FLNB: variants seen among roughly 807,000 people sequenced by gnomAD.
FLNB encodes the protein filamin-B.
A neutral mutation model predicts 250.6 loss-of-function variants in FLNB; 111 were observed. That is an observed-to-expected ratio of 0.44 (90% CI 0.38 to 0.52). FLNB has a LOEUF of 0.52. FLNB is among the 20% of genes least tolerant of loss of function. The pLI is 0.00. For missense variants in FLNB, 2,869 were observed against 3,447.8 expected, an observed-to-expected ratio of 0.83 and a Z score of 4.20; for synonymous variants, 1,302 against 1,372.1, an observed-to-expected ratio of 0.95 and a Z score of 1.13.
intron 1 of FLNB, among the ~76,000 whole-genome samples, chr3:58,028,668 C>A: frequency 6.7e-6 from 1 of 148,922 alleles, no homozygotes; most frequent in East Asian, 2.0e-4. Flanking sequence ...GGCTAGAGTG[C>A]AATGGCATGA....
At chr3:58,149,674 C>A in intron 36 of FLNB, 176 bp from the exon 37 acceptor site, 2 of 705,714 alleles carry the variant, frequency 2.8e-6, no homozygotes, top group Non-Finnish European at 4.8e-6. Context: ...TGGGGCTTCT[C>A]AGGACGCTTA....
chr3:58,114,718 TTG>T (rs778323243), intron 18 of FLNB, among the ~76,000 whole-genome samples: 9,763 of 148,082 alleles, frequency 0.066, 338 homozygotes, highest in Non-Finnish European at 0.076. Context: ...TTTTTTTTTT[TTG>T]TTGTTGTTGT....
chr3:58,008,702 C>T lies in FLNB; in HGVS notation c.138C>T (p.Asp46=). ...RIGNLQTDLS[D]GLRLIALLEV... is the part of the protein sequence containing the mutation. ...GCAACCTGCAGACCGACCTGAGCGACGGGCTGCGGCTCATCGCGCTGCTCG... is the reference window on the plus strand; with the variant it reads ...GCAACCTGCAGACCGACCTGAGCGATGGGCTGCGGCTCATCGCGCTGCTCG... Residue 46 remains aspartate (D), a synonymous_variant, in exon 1 of 46, where the codon GAC becomes GAT. Coordinates refer to ENST00000295956, the MANE Select transcript of FLNB (RefSeq NM_001457.4). 2 of 1,614,192 alleles carry T rather than the reference C, an allele frequency of 1.2e-6. No homozygotes were observed. Among genetic ancestry groups the T allele is most frequent in the South Asian group, 1.1e-5 (1 of 91,090 alleles).
Position 58,118,947 on chromosome 3 carries a change from C to T in FLNB, c.2821C>T (p.Pro941Ser), listed in dbSNP as rs2097283582. ...CCCTTTCACTGTGGGTGTTGCTGCA[C>T]CGCTGGATCTGAGCAAGATAAAACT... is the stretch of plus-strand genomic sequence containing the variant. Reference protein sequence around the residue: ...KSPFTVGVAAPLDLSKIKLNG... With the variant: ...KSPFTVGVAASLDLSKIKLNG... The change falls in exon 19 of 46, where the codon CCG becomes TCG. Residue 941 changes from proline (P) to serine (S), a missense_variant. Pro to Ser is a moderately conservative substitution (Grantham distance 74). This residue lies in a region of FLNB where 1,348 missense variants were observed against 1,466.7 expected (regional missense o/e 0.92). Transcript: ENST00000295956. 6.2e-7 allele frequency: 1 copy of T among 1,614,062 alleles called. No homozygotes were observed.
intron 1 of FLNB, among the ~76,000 whole-genome samples, chr3:58,017,605 CTA>C (rs1219150027): frequency 6.6e-6 from 1 of 152,130 alleles, no homozygotes. Context: ...AAATACTGAG[CTA>C]TGTTTGAAGC....
chr3:58,123,771 C>T (rs1348567842), intron 21 of FLNB, 81 bp downstream of exon 21: 1 of 1,213,590 alleles, frequency 8.2e-7, no homozygotes, highest in African/African-American at 1.5e-5. Context: ...GAGCTGCAAA[C>T]TCAGCCACCT....
At chr3:58,100,105 T>C (rs188302090) in intron 8 of FLNB, among the ~76,000 whole-genome samples, 15 of 152,168 alleles carry the variant, frequency 9.9e-5, no homozygotes, top group African/African-American at 3.4e-4. Flanking sequence ...ACTTCTGGTA[T>C]GACCAACTTT....
intron 4 of FLNB, among the ~76,000 whole-genome samples, chr3:58,082,489 G>A (rs766224644): frequency 6.6e-5 from 10 of 152,034 alleles, no homozygotes; most frequent in South Asian, 2.1e-4. Context: ...AGAAAATATC[G>A]GCCGGGTGTG....
intron 1 of FLNB, among the ~76,000 whole-genome samples, chr3:58,012,278 G>A (rs1292384245): frequency 1.3e-5 from 2 of 151,830 alleles, no homozygotes; most frequent in South Asian, 4.2e-4. Flanking sequence ...CAAAATTAGG[G>A]GAGAACAGCC....
rs757747038 is a variant in FLNB, at chr3:58,109,231, C to T, written c.2108C>T (p.Thr703Ile). The change falls in exon 14 of 46, where the codon ACA becomes ATA. Residue 703 changes from threonine (T) to isoleucine (I), a missense_variant. Coordinates refer to ENST00000295956, the MANE Select transcript of FLNB (RefSeq NM_001457.4). ...DIQMKNRMDG[T>I]YACSYTPVKA... ...CAGATGAAGAACCGGATGGACGGCACATATGCATGCTCATACACCCCGGTG... is the reference window on the plus strand; with the variant it reads ...CAGATGAAGAACCGGATGGACGGCATATATGCATGCTCATACACCCCGGTG... 3 of 1,614,234 alleles carry T rather than the reference C, an allele frequency of 1.9e-6. No individual in the cohort carries two copies. Among genetic ancestry groups the T allele is most frequent in the South Asian group, 1.1e-5 (1 of 91,074 alleles).
intron 41 of FLNB, among the ~76,000 whole-genome samples, chr3:58,158,152 A>G (rs2097356143): frequency 6.6e-6 from 1 of 152,014 alleles, no homozygotes; most frequent in African/African-American, 2.4e-5. Context: ...AAGACCCTCT[A>G]ATTCTGTGTT....
intron 1 of FLNB, among the ~76,000 whole-genome samples, chr3:58,034,112 C>G (rs1447381482): frequency 2.0e-5 from 3 of 152,168 alleles, no homozygotes; most frequent in Non-Finnish European, 4.4e-5. Context: ...CCGCTCACCT[C>G]TGCCTCCCAA....
intron 4 of FLNB, among the ~76,000 whole-genome samples, chr3:58,088,929 C>T (rs2097221690): frequency 6.6e-6 from 1 of 152,098 alleles, no homozygotes; most frequent in South Asian, 2.1e-4. Flanking sequence ...TAATGAGCCC[C>T]CCAATCTTGA....
intron 24 of FLNB, among the ~76,000 whole-genome samples, chr3:58,127,325 CAAAAAAA>C (rs879263542): frequency 5.1e-5 from 6 of 117,892 alleles, no homozygotes; most frequent in Non-Finnish European, 8.9e-5. Context: ...GACCCTGTCT[CAAAAAAA>C]AAAAAAAAGA....
chr3:58,162,759 T>A, intron 42 of FLNB: 3 of 289,854 alleles, frequency 1.0e-5, no homozygotes, highest in Non-Finnish European at 1.3e-5. Context: ...CAGAGTGCTG[T>A]GTCTTCAACT....
chr3:58,124,651 C>T (rs529761300), intron 22 of FLNB, 146 bp downstream of exon 22: 14 of 889,350 alleles, frequency 1.6e-5, no homozygotes, highest in Middle Eastern at 3.3e-4. Context: ...AGTCAGCGTC[C>T]GCTGCAGTCA....
At chr3:58,024,719 T>TC (rs1559642284) in intron 1 of FLNB, among the ~76,000 whole-genome samples, 1 of 100,622 alleles carries the variant, frequency 9.9e-6, no homozygotes, top group Non-Finnish European at 1.6e-5. Flanking sequence ...TTTTTTTTTT[T>TC]TTTTTTTTTA....
intron 1 of FLNB, among the ~76,000 whole-genome samples, chr3:58,070,917 T>G (rs1318993410): frequency 1.3e-5 from 2 of 151,104 alleles, no homozygotes; most frequent in Non-Finnish European, 2.9e-5. Context: ...CCCAAAGTGC[T>G]AGGATTACAG....
intron 24 of FLNB, among the ~76,000 whole-genome samples, chr3:58,129,372 C>T (rs1235890949): frequency 6.6e-6 from 1 of 152,154 alleles, no homozygotes; most frequent in Non-Finnish European, 1.5e-5. Context: ...TTATCTTACC[C>T]GGGTTTGTTG....
Sources: allele counts gnomAD v4.1 joint callset (sites outside exome capture counted in the v4.1 genomes callset), GRCh38; gene constraint gnomAD v4.1.1; regional missense constraint gnomAD v4.1.1; transcripts MANE v1.5; gene names NCBI Gene and HGNC (gene_info 2026-07-23, HGNC 2026-07-21).